Variants in FHIP1A observed in about 807,000 individuals in gnomAD.
The protein encoded by FHIP1A is FHF complex subunit HOOK-interacting protein 1A.
A neutral mutation model predicts 88.6 loss-of-function variants in FHIP1A; 61 were observed. The observed-to-expected ratio is 0.69, with a 90% confidence interval of 0.56 to 0.85. The LOEUF is 0.85. Among genes scored for constraint, FHIP1A ranks in the 40% least tolerant of loss-of-function variants. The probability of loss-of-function intolerance (pLI) is 0.00; values close to 1 mark genes in which losing one functional copy is unlikely to be tolerated. For missense variants in FHIP1A, 1,154 were observed against 1,273.5 expected (o/e 0.91, Z 1.43); for synonymous variants, 478 against 496.0 (o/e 0.96, Z 0.48).
Position 151,649,551 on chromosome 4 carries a change from C to A in FHIP1A, c.1510C>A (p.Leu504Met). ...KALDISYLQY[L>M]WEAHTNILRC... ...CCTGGACATCAGCTACCTGCAGTAC[C>A]TGTGGGAGGCCCACACCAACATCCT... The change falls in exon 11 of 14, where the codon CTG (leucine) becomes ATG (methionine). Residue 504 changes from leucine (L) to methionine (M), a missense_variant. Transcript: ENST00000435205. The A allele has an allele frequency of 6.4e-7, 1 of 1,551,672 alleles. No individual in the cohort carries two copies. Among genetic ancestry groups the A allele is most frequent in the Non-Finnish European group, 8.7e-7 (1 of 1,146,942 alleles).
chr4:151,491,710 T>TA (rs1334015651), intron 3 of FHIP1A, among the ~76,000 whole-genome samples: 1 of 152,072 alleles, frequency 6.6e-6, no homozygotes, highest in African/African-American at 2.4e-5. Flanking sequence ...GCAGAATGGA[T>TA]AAAAATCCAC....
chr4:151,515,406 C>T (rs1426825613), intron 3 of FHIP1A, among the ~76,000 whole-genome samples: 3 of 151,922 alleles, frequency 2.0e-5, no homozygotes, highest in Admixed American at 2.0e-4. Flanking sequence ...GACAGGGATG[C>T]CCTCTCTCAC....
chr4:151,614,055 C>T (rs10155290), intron 7 of FHIP1A, among the ~76,000 whole-genome samples: 14,312 of 151,240 alleles, frequency 0.095, 1,134 homozygotes, highest in South Asian at 0.29. Flanking sequence ...CTGAGCTACT[C>T]GGGAGGATGA....
At chr4:151,443,326 A>C (rs1388718270) in intron 1 of FHIP1A, among the ~76,000 whole-genome samples, 1 of 151,818 alleles carries the variant, frequency 6.6e-6, no homozygotes, top group African/African-American at 2.4e-5. Flanking sequence ...AGATACTACA[A>C]CCATTTTTTG....
intron 3 of FHIP1A, among the ~76,000 whole-genome samples, chr4:151,492,768 A>G (rs569047725): frequency 6.6e-6 from 1 of 152,294 alleles, no homozygotes; most frequent in South Asian, 2.1e-4. Flanking sequence ...CATGGACATT[A>G]ACAAATTCTT....
rs1737226322 is a variant in FHIP1A at position 151,656,206 on chromosome 4, C to T, written c.2552-26C>T. 1 of 1,545,174 alleles carries T rather than the reference C, an allele frequency of 6.5e-7. No homozygotes were observed. Among genetic ancestry groups the T allele is most frequent in the South Asian group, 1.2e-5 (1 of 83,782 alleles). On this transcript the variant is annotated intron_variant, in intron 11 of 13. Transcript: ENST00000435205. This position sits in a 1 kb window ranked among gnomAD's most constrained non-coding sequence, Gnocchi z 4.2. ...AGGCATCCCTGTGAGCCCAGCCAGC[C>T]CTGAAGCCTTGTGTTCTTCCTGCAG...
chr4:151,650,215 A>C lies in FHIP1A; in HGVS notation c.2174A>C (p.Asn725Thr), dbSNP rs1274974683. The C allele has an allele frequency of 1.9e-6, 3 of 1,551,702 alleles. No individual in the cohort carries two copies. Among genetic ancestry groups the C allele is most frequent in the Non-Finnish European group, 2.6e-6 (3 of 1,146,984 alleles). Reference protein sequence around the residue: ...EREPEAAPESNSELASPAPEA... With the variant: ...EREPEAAPESTSELASPAPEA... ...GAACCTGAAGCAGCCCCAGAATCCA[A>C]CTCAGAGTTAGCATCCCCTGCCCCT... Residue 725 changes from asparagine (N) to threonine (T), a missense_variant, in exon 11 of 14, where the codon AAC (asparagine) becomes ACC (threonine). Physicochemically the swap from Asn to Thr is moderately conservative, Grantham distance 65. Coordinates refer to ENST00000435205, the MANE Select transcript of FHIP1A (RefSeq NM_001109977.3).
chr4:151,438,605 CTTTTT>C (rs200467402), intron 1 of FHIP1A, among the ~76,000 whole-genome samples: 5 of 132,460 alleles, frequency 3.8e-5, no homozygotes, highest in African/African-American at 5.7e-5. Context: ...CGGTTTTTGC[CTTTTT>C]TTTTTTTTTT....
chr4:151,609,670 A>G (rs1735220778), intron 7 of FHIP1A, among the ~76,000 whole-genome samples: 1 of 152,184 alleles, frequency 6.6e-6, no homozygotes, highest in Non-Finnish European at 1.5e-5. Flanking sequence ...TTTGTAGACA[A>G]GGAGGCTCCC....
chr4:151,444,384 C>T (rs778151903), intron 1 of FHIP1A, among the ~76,000 whole-genome samples: 3 of 152,064 alleles, frequency 2.0e-5, no homozygotes, highest in African/African-American at 4.8e-5. Flanking sequence ...AAAGAATATA[C>T]ATAAGTACAT....
intron 1 of FHIP1A, among the ~76,000 whole-genome samples, chr4:151,439,146 C>G (rs1728313249): frequency 1.3e-5 from 2 of 152,226 alleles, no homozygotes; most frequent in African/African-American, 4.8e-5. Context: ...CTGGTAGACT[C>G]AGATGAAAAA....
intron 2 of FHIP1A, among the ~76,000 whole-genome samples, chr4:151,459,734 T>C (rs949897969): frequency 1.1e-4 from 17 of 152,220 alleles, no homozygotes; most frequent in Admixed American, 7.2e-4. Context: ...ATCTTTGTTA[T>C]TTACCTTCAG....
chr4:151,504,681 G>A (rs1424655271), intron 3 of FHIP1A, among the ~76,000 whole-genome samples: 1 of 152,118 alleles, frequency 6.6e-6, no homozygotes, highest in African/African-American at 2.4e-5. Context: ...AAGTGCAGTG[G>A]TGCGATCTCG....
chr4:151,557,426 C>CT (rs1431882507), intron 3 of FHIP1A, among the ~76,000 whole-genome samples: 1 of 152,158 alleles, frequency 6.6e-6, no homozygotes, highest in African/African-American at 2.4e-5. Context: ...TTTGCTTTCT[C>CT]TTTTTTCCCC....
At chr4:151,431,089 T>A (rs1158583622) in intron 1 of FHIP1A, among the ~76,000 whole-genome samples, 1 of 152,222 alleles carries the variant, frequency 6.6e-6, no homozygotes, top group African/African-American at 2.4e-5. Flanking sequence ...GAATTTGATC[T>A]TTTAAAGACT....
chr4:151,529,198 A>G (rs1731786871), intron 3 of FHIP1A, among the ~76,000 whole-genome samples: 1 of 152,114 alleles, frequency 6.6e-6, no homozygotes, highest in Admixed American at 6.5e-5. Flanking sequence ...GACCTCAGGT[A>G]GTGGGAAGCT....
intron 1 of FHIP1A, among the ~76,000 whole-genome samples, chr4:151,444,348 T>G (rs765445229): frequency 6.6e-6 from 1 of 152,196 alleles, no homozygotes; most frequent in African/African-American, 2.4e-5. Flanking sequence ...TTTATTTTGC[T>G]TTTTAAAATG....
chr4:151,578,032 A>AT lies in FHIP1A; in HGVS notation c.688_689insT (p.Thr230IlefsTer46), dbSNP rs1733871886. 6.4e-7 allele frequency: 1 copy of AT among 1,550,690 alleles called. No homozygotes were observed. Among genetic ancestry groups the AT allele is most frequent in the African/African-American group, 1.4e-5 (1 of 72,930 alleles). ...CATCATGTCTCTTTCTGCTGAGAACACCATGGTGGCCCATCACATCGTGGA... is the reference window on the plus strand; with the variant it reads ...CATCATGTCTCTTTCTGCTGAGAACATCCATGGTGGCCCATCACATCGTGGA... On this transcript the variant is annotated frameshift_variant, in exon 5 of 14. Coordinates refer to ENST00000435205, the MANE Select transcript of FHIP1A (RefSeq NM_001109977.3). LOFTEE classifies it high-confidence loss of function.
At chr4:151,504,702 A>G (rs527419634) in intron 3 of FHIP1A, among the ~76,000 whole-genome samples, 1 of 152,118 alleles carries the variant, frequency 6.6e-6, no homozygotes, top group African/African-American at 2.4e-5. Flanking sequence ...GCTCACTGCA[A>G]CCTCTGCCTC....
Sources: allele counts gnomAD v4.1 joint callset (sites outside exome capture counted in the v4.1 genomes callset), GRCh38; gene constraint gnomAD v4.1.1; non-coding constraint Gnocchi (gnomAD v3.1); transcripts MANE v1.5; gene names NCBI Gene and HGNC (gene_info 2026-07-23, HGNC 2026-07-21).